The following ABCA4 variants were observed in gnomAD, a reference collection of about 807,000 sequenced individuals.
ABCA4 encodes the protein ATP binding cassette subfamily A member 4, also known as retinal-specific phospholipid-transporting ATPase ABCA4.
ABCA4 carries 196 observed loss-of-function variants against 263.7 expected under a neutral mutation model. The observed-to-expected ratio is 0.74, with a 90% confidence interval of 0.66 to 0.84. The LOEUF (loss-of-function observed/expected upper bound fraction) is 0.84, where lower values mean the gene tolerates loss of function less well. Among genes scored for constraint, ABCA4 ranks in the 40% least tolerant of loss-of-function variants. ABCA4 has a pLI of 0.00. For synonymous variants in ABCA4, 1,133 were observed against 1,094.2 expected (o/e 1.04, Z -0.70); for missense variants, 2,792 against 2,855.1 (o/e 0.98, Z 0.50).
intron 24 of ABCA4, among the ~76,000 whole-genome samples, chr1:94,039,734 A>T (rs575230984): frequency 6.6e-6 from 1 of 152,344 alleles, no homozygotes; most frequent in East Asian, 1.9e-4. Context: ...CTCCCCAGAC[A>T]CTAAGGAATG....
At chr1:94,000,410 G>A (rs1407217185) in intron 47 of ABCA4, among the ~76,000 whole-genome samples, 2 of 152,164 alleles carry the variant, frequency 1.3e-5, no homozygotes, top group South Asian at 2.1e-4. Context: ...AAACTCAAAA[G>A]CATACAATAT....
At chr1:94,071,878 G>A (rs769283338) in intron 11 of ABCA4, among the ~76,000 whole-genome samples, 1 of 152,158 alleles carries the variant, frequency 6.6e-6, no homozygotes, top group African/African-American at 2.4e-5. Flanking sequence ...TTTGTGTGAT[G>A]CAGACTTCTG....
chr1:94,065,607 T>C (rs970496826), intron 11 of ABCA4, among the ~76,000 whole-genome samples: 12 of 152,170 alleles, frequency 7.9e-5, no homozygotes, highest in African/African-American at 2.7e-4. Flanking sequence ...AACTAAACTG[T>C]CCCACCTCAG....
At chr1:94,104,189 G>A (rs1297951307) in intron 4 of ABCA4, among the ~76,000 whole-genome samples, 1 of 152,198 alleles carries the variant, frequency 6.6e-6, no homozygotes, top group Non-Finnish European at 1.5e-5. Context: ...CCCTGCTAGT[G>A]CTATAGTTCA....
chr1:94,025,433 A>T (rs1292450608), intron 30 of ABCA4: 2 of 360,590 alleles, frequency 5.5e-6, no homozygotes, highest in Admixed American at 8.0e-5. Context: ...TTGAACTATA[A>T]AAATGTAAAC....
At chr1:94,088,172 C>T (rs1160010023) in intron 6 of ABCA4, among the ~76,000 whole-genome samples, 2 of 152,186 alleles carry the variant, frequency 1.3e-5, no homozygotes, top group Admixed American at 1.3e-4. Context: ...GTCTAGTGGA[C>T]ATTTTTGCTT....
chr1:93,997,179 G>C (rs1346086816), intron 48 of ABCA4, among the ~76,000 whole-genome samples: 1 of 152,176 alleles, frequency 6.6e-6, no homozygotes, highest in Non-Finnish European at 1.5e-5. Flanking sequence ...TAAAAAATGT[G>C]ATTACATTTT....
intron 38 of ABCA4, 115 bp from the exon 39 acceptor site, chr1:94,011,500 G>T (rs937219811): frequency 5.8e-6 from 9 of 1,538,972 alleles, no homozygotes; most frequent in Non-Finnish European, 8.0e-6. Context: ...TGCAGACAGA[G>T]AGTCCTTGCA....
chr1:94,010,345 G>T (rs979776883), intron 40 of ABCA4, among the ~76,000 whole-genome samples: 1 of 151,574 alleles, frequency 6.6e-6, no homozygotes, highest in Non-Finnish European at 1.5e-5. Flanking sequence ...GGAGTGGGGG[G>T]TCGTGATCAC....
At chr1:94,069,443 C>T (rs910046650) in intron 11 of ABCA4, among the ~76,000 whole-genome samples, 7 of 152,218 alleles carry the variant, frequency 4.6e-5, no homozygotes, top group Middle Eastern at 6.8e-3. Flanking sequence ...GTGAGGTCTT[C>T]GAGGGTAAGG....
chr1:94,008,351 G>A (rs1222428135), intron 41 of ABCA4, 54 bp from the exon 42 acceptor site: 22 of 1,558,198 alleles, frequency 1.4e-5, no homozygotes, highest in Non-Finnish European at 1.9e-5. Flanking sequence ...AGAGCAAGGA[G>A]GGGAAGAGGG....
chr1:94,018,483 C>A (rs1321864240), intron 36 of ABCA4: 1 of 445,292 alleles, frequency 2.2e-6, no homozygotes, highest in Non-Finnish European at 4.5e-6. Context: ...TTAGTTGCTA[C>A]TGATAATCTC....
intron 35 of ABCA4, 31 bp from the exon 36 acceptor site, chr1:94,019,790 G>A (rs777627812): frequency 1.3e-6 from 2 of 1,598,760 alleles, no homozygotes; most frequent in East Asian, 4.5e-5. Context: ...CAGGGAGAGG[G>A]CGATGAAGAG....
chr1:94,000,769 A>G (rs747030685), intron 47 of ABCA4, 67 bp downstream of exon 47: 30 of 1,525,302 alleles, frequency 2.0e-5, no homozygotes, highest in Non-Finnish European at 2.7e-5. Context: ...CCAAGTGTCA[A>G]TGGAGAACAC....
intron 27 of ABCA4, 92 bp from the exon 28 acceptor site, chr1:94,031,212 A>T: frequency 6.5e-7 from 1 of 1,532,108 alleles, no homozygotes. Context: ...TTAAACATTT[A>T]TCCTGCAGCC....
At chr1:94,054,599 C>T (rs1483520084) in intron 16 of ABCA4, among the ~76,000 whole-genome samples, 3 of 152,104 alleles carry the variant, frequency 2.0e-5, no homozygotes, top group Non-Finnish European at 2.9e-5. Context: ...AGAGGAAATG[C>T]GCTCGGTGTA....
chr1:94,102,049 C>A (rs1002511105), intron 5 of ABCA4, among the ~76,000 whole-genome samples: 1 of 152,198 alleles, frequency 6.6e-6, no homozygotes, highest in Non-Finnish European at 1.5e-5. Context: ...CTGGCTCTGA[C>A]AATTTCTAGC....
intron 4 of ABCA4, among the ~76,000 whole-genome samples, chr1:94,106,759 G>A (rs1402079590): frequency 6.6e-6 from 1 of 152,154 alleles, no homozygotes; most frequent in African/African-American, 2.4e-5. Flanking sequence ...ACTTGGATGG[G>A]GAGAGAGGGC....
chr1:94,046,870 G>C (rs1660698584), intron 19 of ABCA4, 49 bp downstream of exon 19: 1 of 1,602,682 alleles, frequency 6.2e-7, no homozygotes, highest in African/African-American at 1.3e-5. Context: ...GACTAAGCCA[G>C]GAAATGACAG....
Sources: allele counts gnomAD v4.1 joint callset (sites outside exome capture counted in the v4.1 genomes callset), GRCh38; gene constraint gnomAD v4.1.1; transcripts MANE v1.5; gene names NCBI Gene and HGNC (gene_info 2026-07-23, HGNC 2026-07-21).